The following FRAS1 variants were observed in gnomAD, a reference collection of about 807,000 sequenced individuals.
The protein encoded by FRAS1 is Fraser extracellular matrix complex subunit 1, also known as extracellular matrix organizing protein FRAS1.
A neutral mutation model predicts 435.2 loss-of-function variants in FRAS1; 290 were observed. That is an observed-to-expected ratio of 0.67 (90% CI 0.61 to 0.73). The LOEUF is 0.73. FRAS1 is among the 30% of genes least tolerant of loss of function. FRAS1 has a pLI of 0.00. For synonymous variants in FRAS1, 1,800 were observed against 1,851.0 expected (o/e 0.97, Z 0.71); for missense variants, 4,860 against 5,001.5 (o/e 0.97, Z 0.85).
intron 3 of FRAS1, among the ~76,000 whole-genome samples, chr4:78,244,900 T>C (rs543228219): frequency 6.6e-6 from 1 of 152,204 alleles, no homozygotes; most frequent in Non-Finnish European, 1.5e-5. Context: ...CACCTGAGTC[T>C]TCTGCCTCTT....
At chr4:78,161,751 AAAAAAAAAAAAAAAAAAAAAAG>A (rs1486285365) in intron 2 of FRAS1, among the ~76,000 whole-genome samples, 1 of 145,022 alleles carries the variant, frequency 6.9e-6, no homozygotes, top group Non-Finnish European at 1.5e-5. Flanking sequence ...TCAAAAAAAA[AAAAAAAAAAAAAAAAAAAAAAG>A]AAAAGAAAAG....
intron 2 of FRAS1, among the ~76,000 whole-genome samples, chr4:78,114,279 T>C (rs1336379932): frequency 6.6e-6 from 1 of 152,196 alleles, no homozygotes; most frequent in East Asian, 1.9e-4. Context: ...TCCAGCTTTG[T>C]TCTTTTGGCT....
intron 3 of FRAS1, among the ~76,000 whole-genome samples, chr4:78,241,517 G>A (rs185969687): frequency 9.2e-5 from 14 of 152,266 alleles, no homozygotes; most frequent in South Asian, 2.1e-4. Flanking sequence ...CACCTTAGGA[G>A]GGAAATGGTA....
At chr4:78,118,446 G>A (rs971265664) in intron 2 of FRAS1, among the ~76,000 whole-genome samples, 1 of 152,198 alleles carries the variant, frequency 6.6e-6, no homozygotes, top group Non-Finnish European at 1.5e-5. Context: ...GTCTACAGAG[G>A]CAGGCAGGCC....
At chr4:78,490,072 C>A (rs1387835425) in intron 59 of FRAS1, among the ~76,000 whole-genome samples, 2 of 149,598 alleles carry the variant, frequency 1.3e-5, no homozygotes, top group African/African-American at 4.9e-5. Context: ...GGGTATATTA[C>A]ATAATGGTAA....
chr4:78,450,496 CTTTTTG>C, intron 45 of FRAS1, 157 bp downstream of exon 45: 1 of 590,822 alleles, frequency 1.7e-6, no homozygotes, highest in South Asian at 2.1e-5. Context: ...TTTTTTTTTT[CTTTTTG>C]TTTTTAAAAA....
chr4:78,283,390 T>C (rs1317111534), intron 12 of FRAS1, among the ~76,000 whole-genome samples: 1 of 152,252 alleles, frequency 6.6e-6, no homozygotes, highest in African/African-American at 2.4e-5. Context: ...ATGGTTCCTT[T>C]TGGAGTTCTC....
At chr4:78,362,249 T>C (rs529184) in intron 20 of FRAS1, among the ~76,000 whole-genome samples, 94,768 of 152,084 alleles carry the variant, frequency 0.62, 30,126 homozygotes, top group Non-Finnish European at 0.67. Context: ...TTTACTAACC[T>C]CAGTCCATTC....
Position 78,451,899 on chromosome 4 carries a change from GAC to G in FRAS1, c.6583+10_6583+11del, listed in dbSNP as rs749860324. 1.2e-6 allele frequency: 2 copies of G among 1,606,302 alleles called. No individual in the cohort carries two copies. The highest frequency in any genetic ancestry group is 2.7e-5 in the African/African-American group (2 of 74,682). On this transcript the variant is annotated intron_variant, in intron 46 of 73. Coordinates refer to ENST00000512123, the MANE Select transcript of FRAS1 (RefSeq NM_025074.7). ...TTTCCATCAGCATTCTAGGTAAAGA[GAC>G]ATTTGATTTTCTAATATAAAACTAT...
At chr4:78,535,921 T>G (rs899905417) in intron 71 of FRAS1, among the ~76,000 whole-genome samples, 5 of 152,228 alleles carry the variant, frequency 3.3e-5, no homozygotes, top group African/African-American at 9.6e-5. Context: ...CACACTGACT[T>G]ACTTAGCACC....
intron 42 of FRAS1, 26 bp downstream of exon 42, chr4:78,445,738 T>C (rs373996783): frequency 1.9e-6 from 3 of 1,613,554 alleles, no homozygotes; most frequent in Non-Finnish European, 2.5e-6. Flanking sequence ...GTTGGAAAGG[T>C]TGAGCCCTTG....
chr4:78,290,695 C>T (rs1360650198), intron 14 of FRAS1, among the ~76,000 whole-genome samples: 2 of 151,978 alleles, frequency 1.3e-5, no homozygotes, highest in African/African-American at 4.8e-5. Context: ...AGTGATCTGC[C>T]CGCCTTGGCC....
At chr4:78,223,983 G>A (rs1724164047) in intron 2 of FRAS1, among the ~76,000 whole-genome samples, 2 of 152,108 alleles carry the variant, frequency 1.3e-5, no homozygotes, top group Non-Finnish European at 2.9e-5. Context: ...TTTATGGAAA[G>A]CTTCCTAAAA....
chr4:78,430,471 C>T (rs1016132900), intron 37 of FRAS1, 54 bp downstream of exon 37: 6 of 1,574,086 alleles, frequency 3.8e-6, no homozygotes, highest in Non-Finnish European at 5.2e-6. Flanking sequence ...ATTTTTTGCT[C>T]TACAATCAGT....
At chr4:78,113,247 T>C (rs954337605) in intron 2 of FRAS1, among the ~76,000 whole-genome samples, 2 of 152,212 alleles carry the variant, frequency 1.3e-5, no homozygotes, top group Non-Finnish European at 2.9e-5. Flanking sequence ...TTTGGGTTAG[T>C]TCCAAGTCTT....
chr4:78,293,413 A>G (rs76555697), intron 14 of FRAS1, among the ~76,000 whole-genome samples: 1 of 152,342 alleles, frequency 6.6e-6, no homozygotes, highest in African/African-American at 2.4e-5. Context: ...TGGCTTACAG[A>G]TGACCTATCT....
At chr4:78,104,681 T>C (rs1356350523) in intron 2 of FRAS1, among the ~76,000 whole-genome samples, 1 of 152,214 alleles carries the variant, frequency 6.6e-6, no homozygotes, top group African/African-American at 2.4e-5. Flanking sequence ...ATGTTTTCCA[T>C]GCCAGGTGTT....
intron 20 of FRAS1, among the ~76,000 whole-genome samples, chr4:78,354,583 A>G (rs928313642): frequency 2.0e-5 from 3 of 152,200 alleles, no homozygotes; most frequent in Non-Finnish European, 4.4e-5. Flanking sequence ...TTCAAATTCT[A>G]TGCCCTTTAA....
At chr4:78,144,327 G>C (rs1406550133) in intron 2 of FRAS1, among the ~76,000 whole-genome samples, 1 of 152,082 alleles carries the variant, frequency 6.6e-6, no homozygotes, top group Non-Finnish European at 1.5e-5. Flanking sequence ...AAATTCTGAT[G>C]AGACTCTGTT....
Sources: gnomAD v4.1 joint callset for allele counts (sites outside exome capture counted in the v4.1 genomes callset) on GRCh38, gnomAD v4.1.1 for gene constraint, MANE v1.5 for transcripts, NCBI Gene and HGNC (gene_info 2026-07-23, HGNC 2026-07-21) for gene names.